Variants in NFYC observed in about 807,000 individuals in gnomAD.
NFYC encodes the protein CAAT box DNA-binding protein subunit C.
Under a neutral mutation model 53.1 loss-of-function variants are expected in NFYC, and 25 were observed. That is an observed-to-expected ratio of 0.47 (90% CI 0.34 to 0.66). NFYC has a LOEUF of 0.66. Among genes scored for constraint, NFYC ranks in the 30% least tolerant of loss-of-function variants. NFYC has a pLI of 0.01. For synonymous variants in NFYC, 145 were observed against 152.6 expected (o/e 0.95, Z 0.37); for missense variants, 260 against 422.7 (o/e 0.62, Z 3.38).
chr1:40,757,636 G>T lies in NFYC; in HGVS notation c.388-485G>T, dbSNP rs141837692. Among the ~76,000 whole-genome samples, 758 of 152,318 alleles carry T rather than the reference G, an allele frequency of 5.0e-3. 5 individuals are homozygous for T. The highest frequency in any genetic ancestry group is 0.018 in the African/African-American group (734 of 41,566). On this transcript the variant is annotated intron_variant, in intron 5 of 9. Transcript: ENST00000447388. ...GAAATTTCAGCTCAGGAAAAGCCCT[G>T]TTTCCCATTAACCTGTTCTGTCCCC... is the stretch of plus-strand genomic sequence containing the variant.
intron 7 of NFYC, among the ~76,000 whole-genome samples, chr1:40,765,385 C>T (rs823682): frequency 0.88 from 133,676 of 152,250 alleles, 58,793 homozygotes; most frequent in East Asian, 0.98. Flanking sequence ...CGTTTTTTCT[C>T]GGTAGTTCAA....
intron 5 of NFYC, chr1:40,757,409 A>T (rs1646286021): frequency 1.9e-6 from 1 of 525,886 alleles, no homozygotes; most frequent in African/African-American, 1.9e-5. Flanking sequence ...TCCACTCCGC[A>T]GATCGGACAG....
intron 7 of NFYC, among the ~76,000 whole-genome samples, chr1:40,765,402 T>A (rs914609313): frequency 5.3e-5 from 8 of 152,206 alleles, no homozygotes; most frequent in Non-Finnish European, 7.3e-5. Flanking sequence ...TCAAATTCTG[T>A]GAGGCTGGAA....
chr1:40,720,703 CA>C (rs1416370255), intron 1 of NFYC, among the ~76,000 whole-genome samples: 2 of 151,948 alleles, frequency 1.3e-5, no homozygotes, highest in African/African-American at 2.4e-5. Flanking sequence ...CCTGTCTTTA[CA>C]AAAAATTTTA....
chr1:40,698,168 G>C (rs1643249104), intron 1 of NFYC, among the ~76,000 whole-genome samples: 1 of 152,042 alleles, frequency 6.6e-6, no homozygotes, highest in Admixed American at 6.5e-5. Context: ...TTTGTGACCA[G>C]CCTGGCCAAT....
intron 1 of NFYC, among the ~76,000 whole-genome samples, chr1:40,712,121 A>G (rs1643946844): frequency 6.6e-6 from 1 of 152,236 alleles, no homozygotes; most frequent in African/African-American, 2.4e-5. Context: ...TGAAACGTTT[A>G]TGAAGATAGG....
intron 1 of NFYC, among the ~76,000 whole-genome samples, chr1:40,704,567 T>G (rs1643601759): frequency 6.6e-6 from 1 of 152,190 alleles, no homozygotes; most frequent in Non-Finnish European, 1.5e-5. Flanking sequence ...AAGAATAATT[T>G]GGGTTCTCTT....
intron 1 of NFYC, chr1:40,735,537 G>A (rs1644983457): frequency 1.6e-5 from 15 of 951,628 alleles, no homozygotes; most frequent in Non-Finnish European, 1.9e-5. Flanking sequence ...GTGTACCTTT[G>A]TAATGTTTTG....
At chr1:40,722,200 T>TA (rs1354998239) in intron 1 of NFYC, among the ~76,000 whole-genome samples, 1 of 151,692 alleles carries the variant, frequency 6.6e-6, no homozygotes, top group African/African-American at 2.4e-5. Context: ...ATAATTAATT[T>TA]AAAAAAAGAA....
rs766005777 is a variant in NFYC, at chr1:40,749,575, G to T, written c.180G>T (p.Met60Ile). Reference protein sequence around the residue: ...KIMKLDEDVKMISAEAPVLFA... With the variant: ...KIMKLDEDVKIISAEAPVLFA... ...GGGAGGGCCTGTGTCTGTTACAGAT[G>T]ATCAGTGCAGAAGCGCCTGTACTCT... Residue 60 changes from methionine (M) to isoleucine (I), a missense_variant and splice_region_variant, in exon 4 of 10, where the codon ATG becomes ATT. Physicochemically the swap from Met to Ile is conservative, Grantham distance 10. Coordinates refer to ENST00000447388, the MANE Select transcript of NFYC (RefSeq NM_014223.5). 2 of 1,612,870 alleles carry T rather than the reference G, an allele frequency of 1.2e-6. No individual in the cohort carries two copies. The highest frequency in any genetic ancestry group is 1.1e-5 in the South Asian group (1 of 91,034).
intron 1 of NFYC, among the ~76,000 whole-genome samples, chr1:40,699,944 A>T (rs1178078345): frequency 1.3e-5 from 2 of 152,192 alleles, no homozygotes; most frequent in Admixed American, 6.5e-5. Flanking sequence ...AAGAGGGAAG[A>T]TACATTACGC....
intron 1 of NFYC, among the ~76,000 whole-genome samples, chr1:40,718,080 T>G (rs1257459170): frequency 6.6e-6 from 1 of 152,252 alleles, no homozygotes; most frequent in African/African-American, 2.4e-5. Flanking sequence ...TTTTACCTCA[T>G]TATTTATAAT....
At position 40,770,029 on chromosome 1, in the gene NFYC, C is replaced by T. The variant is rs2148819230; in HGVS notation, c.888+614C>T. 6.6e-6 allele frequency among the ~76,000 whole-genome samples: 1 copy of T among 152,302 alleles called. No individual in the cohort carries two copies. Among genetic ancestry groups the T allele is most frequent in the South Asian group, 2.1e-4 (1 of 4,822 alleles). On this transcript the variant is annotated intron_variant, in intron 9 of 9. Coordinates refer to ENST00000447388, the MANE Select transcript of NFYC (RefSeq NM_014223.5). This position sits in a 1 kb window ranked among gnomAD's most constrained non-coding sequence, Gnocchi z 5.3. ...ATCAGGACCCACCTCTGGCTTCTGCCAGCACCACATGCTAGGCTTACATGC... is the reference window on the plus strand; with the variant it reads ...ATCAGGACCCACCTCTGGCTTCTGCTAGCACCACATGCTAGGCTTACATGC...
At chr1:40,741,405 CTA>C (rs1254731535) in intron 2 of NFYC, among the ~76,000 whole-genome samples, 1 of 152,134 alleles carries the variant, frequency 6.6e-6, no homozygotes, top group Non-Finnish European at 1.5e-5. Flanking sequence ...CGAGGCTTAA[CTA>C]TGATGTTTGA....
chr1:40,705,030 A>G (rs539445272), intron 1 of NFYC, among the ~76,000 whole-genome samples: 5 of 152,348 alleles, frequency 3.3e-5, no homozygotes, highest in East Asian at 3.9e-4. Flanking sequence ...CATTTTTTCA[A>G]TGCTTATTCA....
intron 1 of NFYC, among the ~76,000 whole-genome samples, chr1:40,738,227 G>A (rs111813249): frequency 0.053 from 8,001 of 152,126 alleles, 361 homozygotes; most frequent in African/African-American, 0.11. Context: ...AGAGACAGAC[G>A]CTTGCTATGT....
At chr1:40,693,826 G>C (rs1642976624) in intron 1 of NFYC, among the ~76,000 whole-genome samples, 2 of 152,092 alleles carry the variant, frequency 1.3e-5, no homozygotes, top group South Asian at 4.2e-4. Context: ...TTGATTTCTG[G>C]GTGTTTAGAG....
intron 6 of NFYC, among the ~76,000 whole-genome samples, chr1:40,759,233 TAA>T (rs11429236): frequency 1.7e-4 from 24 of 138,860 alleles, no homozygotes; most frequent in African/African-American, 1.9e-4. Context: ...CTTCTTTAAT[TAA>T]AAAAAAAAAA....
At chr1:40,717,959 A>G (rs1268293288) in intron 1 of NFYC, among the ~76,000 whole-genome samples, 2 of 152,270 alleles carry the variant, frequency 1.3e-5, no homozygotes, top group African/African-American at 2.4e-5. Flanking sequence ...AATTTTTAAT[A>G]TAAGACACCT....
Sources: gnomAD v4.1 joint callset for allele counts (sites outside exome capture counted in the v4.1 genomes callset) on GRCh38, gnomAD v4.1.1 for gene constraint, Gnocchi (gnomAD v3.1) non-coding constraint, MANE v1.5 for transcripts, NCBI Gene and HGNC (gene_info 2026-07-23, HGNC 2026-07-21) for gene names.